PLBD1: variants seen among roughly 807,000 people sequenced by gnomAD.
PLBD1 encodes phospholipase B domain containing 1, also known as lysosomal leucine aminopeptidase.
A neutral mutation model predicts 63.0 loss-of-function variants in PLBD1; 60 were observed. That is an observed-to-expected ratio of 0.95 (90% CI 0.77 to 1.18). PLBD1 has a LOEUF of 1.18. PLBD1 is among the 50% of genes most tolerant of loss of function. PLBD1 has a pLI of 0.00. For missense variants in PLBD1, 598 were observed against 677.9 expected (o/e 0.88, Z 1.31); for synonymous variants, 262 against 248.0 (o/e 1.06, Z -0.53).
At chr12:14,514,082 A>G (rs985067897) in intron 6 of PLBD1, among the ~76,000 whole-genome samples, 5 of 152,116 alleles carry the variant, frequency 3.3e-5, no homozygotes, top group Admixed American at 3.3e-4. Context: ...CCCGGCCCCA[A>G]CTAACTCTTA....
At chr12:14,524,692 A>G (rs915610213) in intron 6 of PLBD1, among the ~76,000 whole-genome samples, 2 of 152,202 alleles carry the variant, frequency 1.3e-5, no homozygotes, top group African/African-American at 4.8e-5. Flanking sequence ...GGTATTTGCT[A>G]TATTTGTCAC....
intron 6 of PLBD1, among the ~76,000 whole-genome samples, chr12:14,534,611 T>G (rs920065802): frequency 2.0e-5 from 3 of 151,106 alleles, no homozygotes; most frequent in African/African-American, 7.3e-5. Flanking sequence ...TGGAGTGATC[T>G]CCGCTCACTG....
At chr12:14,536,230 C>T (rs1373388006) in intron 5 of PLBD1, 2 of 241,750 alleles carry the variant, frequency 8.3e-6, no homozygotes, top group Non-Finnish European at 1.6e-5. Flanking sequence ...ACCTGGGAGG[C>T]AGAGGTTGCA....
chr12:14,540,730 C>T (rs1049559038), intron 4 of PLBD1, 34 bp downstream of exon 4: 3 of 1,532,740 alleles, frequency 2.0e-6, no homozygotes, highest in Non-Finnish European at 2.7e-6. Flanking sequence ...TTACCATACT[C>T]TATAAATTCT....
intron 2 of PLBD1, among the ~76,000 whole-genome samples, chr12:14,549,643 A>G (rs1187247487): frequency 2.0e-5 from 3 of 151,558 alleles, no homozygotes; most frequent in Middle Eastern, 3.2e-3. Context: ...CGATTGTTCA[A>G]CTGGAGCTTC....
intron 6 of PLBD1, among the ~76,000 whole-genome samples, chr12:14,534,347 T>C (rs1284660956): frequency 1.3e-5 from 2 of 152,158 alleles, no homozygotes; most frequent in East Asian, 1.9e-4. Flanking sequence ...CCTGAGGAGG[T>C]TGGGGCTAAC....
intron 1 of PLBD1, among the ~76,000 whole-genome samples, chr12:14,564,944 ATTTC>A (rs1239445502): frequency 6.6e-6 from 1 of 152,190 alleles, no homozygotes; most frequent in African/African-American, 2.4e-5. Context: ...GGTATGATTT[ATTTC>A]TCTAGTGACC....
intron 1 of PLBD1, among the ~76,000 whole-genome samples, chr12:14,561,708 C>T (rs751402061): frequency 5.3e-5 from 8 of 152,150 alleles, no homozygotes; most frequent in Non-Finnish European, 1.2e-4. Flanking sequence ...GCGTGCGCCA[C>T]GCCACACCTG....
rs1177588057 is a variant in PLBD1, at chr12:14,511,326, G to C, written c.1120C>G (p.Leu374Val). 6.2e-7 allele frequency: 1 copy of C among 1,612,296 alleles called. No homozygotes were observed. Among genetic ancestry groups the C allele is most frequent in the Non-Finnish European group, 8.5e-7 (1 of 1,178,548 alleles). ...KLNHSLDKGTLYIVEQIPTYV... is the reference protein window; with the variant it reads ...KLNHSLDKGTVYIVEQIPTYV... ...GTAGGAATTTGCTCCACAATGTACA[G>C]AGTGCCTTTGTCAAGACTGTGGTTC... Residue 374 changes from leucine to valine, a missense_variant, in exon 8 of 11, where the codon CTG becomes GTG. Transcript: ENST00000240617.
chr12:14,536,033 C>T (rs777577690), intron 5 of PLBD1: 9 of 464,536 alleles, frequency 1.9e-5, no homozygotes, highest in African/African-American at 6.1e-5. Context: ...TGGTGGCTTA[C>T]GCTCGAAATC....
rs750836724 is a variant in PLBD1, at chr12:14,553,306, C to T, written c.222G>A (p.Val74=). The T allele has an allele frequency of 2.5e-6, 4 of 1,614,042 alleles. No individual in the cohort carries two copies. In the African/African-American group the frequency reaches 4.0e-5, roughly 16 times the overall value. The change falls in exon 2 of 11, where the codon GTG becomes GTA. Residue 74 remains valine (V), a synonymous_variant. Transcript: ENST00000240617. ...CCAGGATGCCCCAGCCTGTGGTTTT[C>T]ACAGAGTTATTGTAAAAGCCATAGG... is the stretch of plus-strand genomic sequence containing the variant. ...GDAYGFYNNS[V]KTTGWGILEI...
rs372438193 is a variant in PLBD1, at chr12:14,506,247, C to T, written c.1394G>A (p.Ser465Asn). ...RYNNYKKDPY[S>N]RGDPCNTICC... ...GATGGTATTACAGGGGTCACCTCTACTGTAAGGATCCTTCTTATAATCTAG... is the reference window on the plus strand; with the variant it reads ...GATGGTATTACAGGGGTCACCTCTATTGTAAGGATCCTTCTTATAATCTAG... Residue 465 changes from serine (S) to asparagine (N), a missense_variant, in exon 10 of 11, where the codon AGT (serine) becomes AAT (asparagine). Physicochemically the swap from Ser to Asn is conservative, Grantham distance 46. Coordinates refer to ENST00000240617, the MANE Select transcript of PLBD1 (RefSeq NM_024829.6). The T allele has an allele frequency of 1.2e-4, 201 of 1,610,684 alleles. No homozygotes were observed. Among genetic ancestry groups the T allele is most frequent in the Non-Finnish European group, 1.7e-4 (197 of 1,177,758 alleles).
intron 4 of PLBD1, among the ~76,000 whole-genome samples, chr12:14,540,105 A>ATTTT (rs376424974): frequency 4.3e-3 from 15 of 3,506 alleles, no homozygotes; most frequent in African/African-American, 5.7e-3. Flanking sequence ...TAATATAAAT[A>ATTTT]TTATTTATAT....
rs1246872494 is a variant in PLBD1 at position 14,506,204 on chromosome 12, C to G, written c.1437G>C (p.Leu479=). Residue 479 remains leucine, a synonymous_variant, in exon 10 of 11, where the codon CTG becomes CTC. Transcript: ENST00000240617. ...CTCCAGGACTTGGGTTAGGTGAGTT[C>G]AGGTCCTCACGGCAGCAGATGGTAT... ...PCNTICCRED[L]NSPNPSPGGC... is the part of the protein sequence containing the mutation. 6.2e-7 allele frequency: 1 copy of G among 1,613,192 alleles called. No homozygotes were observed. Among genetic ancestry groups the G allele is most frequent in the South Asian group, 1.1e-5 (1 of 90,894 alleles).
intron 1 of PLBD1, among the ~76,000 whole-genome samples, chr12:14,562,571 T>C (rs1945749660): frequency 6.6e-6 from 1 of 152,056 alleles, no homozygotes; most frequent in Non-Finnish European, 1.5e-5. Flanking sequence ...CTCTATTTCA[T>C]TTTTTACCAC....
At chr12:14,541,325 G>A (rs946823248) in intron 3 of PLBD1, among the ~76,000 whole-genome samples, 2 of 152,130 alleles carry the variant, frequency 1.3e-5, no homozygotes, top group Admixed American at 1.3e-4. Context: ...AGGACAAGGT[G>A]GTTTATATCT....
At chr12:14,504,554 A>T (rs955017049) in intron 10 of PLBD1, among the ~76,000 whole-genome samples, 1 of 152,238 alleles carries the variant, frequency 6.6e-6, no homozygotes, top group Non-Finnish European at 1.5e-5. Flanking sequence ...CCCTCTATGA[A>T]TCAGTGTTCT....
intron 6 of PLBD1, among the ~76,000 whole-genome samples, chr12:14,524,511 G>C (rs1945402295): frequency 6.6e-6 from 1 of 152,086 alleles, no homozygotes; most frequent in Non-Finnish European, 1.5e-5. Flanking sequence ...TATTTTTCAA[G>C]TCCACATTTC....
intron 6 of PLBD1, among the ~76,000 whole-genome samples, chr12:14,524,390 T>C (rs564699167): frequency 1.4e-4 from 21 of 152,288 alleles, no homozygotes; most frequent in African/African-American, 5.1e-4. Context: ...AATGTATACA[T>C]GCATCAAAAC....
Sources: allele counts gnomAD v4.1 joint callset (sites outside exome capture counted in the v4.1 genomes callset), GRCh38; gene constraint gnomAD v4.1.1; transcripts MANE v1.5; gene names NCBI Gene and HGNC (gene_info 2026-07-23, HGNC 2026-07-21).